The following PDE7A variants were observed in gnomAD, a reference collection of about 807,000 sequenced individuals.
The protein encoded by PDE7A is phosphodiesterase 7A.
A neutral mutation model predicts 64.3 loss-of-function variants in PDE7A; 39 were observed. The ratio of observed to expected loss-of-function variants is 0.61; its 90% CI spans 0.47 to 0.79. The LOEUF is 0.79. PDE7A is among the 30% of genes least tolerant of loss of function. PDE7A has a pLI of 0.00. For synonymous variants in PDE7A, 203 were observed against 206.8 expected (o/e 0.98, Z 0.16); for missense variants, 470 against 582.8 (o/e 0.81, Z 1.99).
intron 1 of PDE7A, among the ~76,000 whole-genome samples, chr8:65,822,052 AG>A (rs1488187433): frequency 6.6e-6 from 1 of 152,146 alleles, no homozygotes; most frequent in East Asian, 1.9e-4. Flanking sequence ...TGAAACAAAG[AG>A]GGTATGTTGA....
intron 3 of PDE7A, among the ~76,000 whole-genome samples, chr8:65,769,753 G>A (rs547795890): frequency 1.1e-4 from 16 of 152,158 alleles, no homozygotes; most frequent in African/African-American, 3.6e-4. Context: ...AATATTAGCC[G>A]GGCATGGTAG....
At chr8:65,799,796 G>A (rs995864537) in intron 1 of PDE7A, among the ~76,000 whole-genome samples, 2 of 152,184 alleles carry the variant, frequency 1.3e-5, no homozygotes, top group African/African-American at 2.4e-5. Context: ...AAGGAGAGAA[G>A]TGAAGACAGC....
chr8:65,761,437 A>G (rs1175421866), intron 3 of PDE7A, among the ~76,000 whole-genome samples: 1 of 152,206 alleles, frequency 6.6e-6, no homozygotes, highest in African/African-American at 2.4e-5. Flanking sequence ...TGCACAACAG[A>G]TTAAACTTGC....
At chr8:65,840,177 A>C (rs1811045840) in intron 1 of PDE7A, among the ~76,000 whole-genome samples, 1 of 152,204 alleles carries the variant, frequency 6.6e-6, no homozygotes, top group Non-Finnish European at 1.5e-5. Context: ...ATTATTCTAA[A>C]TGACACATTA....
intron 1 of PDE7A, among the ~76,000 whole-genome samples, chr8:65,792,361 G>C (rs1230129275): frequency 6.6e-6 from 1 of 152,224 alleles, no homozygotes; most frequent in Non-Finnish European, 1.5e-5. Context: ...TTTTATGAGT[G>C]TGATCAATAG....
At chr8:65,832,217 G>A (rs1810844230) in intron 1 of PDE7A, among the ~76,000 whole-genome samples, 1 of 152,006 alleles carries the variant, frequency 6.6e-6, no homozygotes, top group Non-Finnish European at 1.5e-5. Context: ...TGAGCCATTT[G>A]TAAACTATAT....
In PDE7A at chr8:65,724,875, T is replaced by C; in HGVS notation, c.967A>G (p.Ile323Val). The C allele has an allele frequency of 6.2e-7, 1 of 1,611,170 alleles. No homozygotes were observed. The highest frequency in any genetic ancestry group is 8.5e-7 in the Non-Finnish European group (1 of 1,177,734). Residue 323 changes from isoleucine (I) to valine (V), a missense_variant, in exon 10 of 13, where the codon ATC (isoleucine) becomes GTC (valine). Ile to Val is a conservative substitution (Grantham distance 29, BLOSUM62 3). Transcript: ENST00000401827. ...GACAGATACTCATTCTGGCGACTGA[T>C]GTCTGTGGCTAGTATCAGAGCACCT... is the stretch of plus-strand genomic sequence containing the variant. ...QIGALILATD[I>V]SRQNEYLSLF... is the part of the protein sequence containing the mutation.
At chr8:65,827,357 G>C (rs1419405605) in intron 1 of PDE7A, among the ~76,000 whole-genome samples, 1 of 152,114 alleles carries the variant, frequency 6.6e-6, no homozygotes, top group Non-Finnish European at 1.5e-5. Context: ...ATCTTAAGCC[G>C]TAATTTTTCT....
Position 65,719,514 on chromosome 8 carries a change from A to G in PDE7A, c.1244-19T>C. 6.6e-7 allele frequency: 1 copy of G among 1,505,920 alleles called. No homozygotes were observed. 93.3% of individuals were successfully genotyped at this position (1,505,920 alleles called of 1,614,324 possible). On this transcript the variant is annotated intron_variant, in intron 12 of 12. Transcript: ENST00000401827. ...ATAAAACCTTGAGAAAATAGGAGAAAAAGTTATTAACATATATGCTGAAAC... is the reference window on the plus strand; with the variant it reads ...ATAAAACCTTGAGAAAATAGGAGAAGAAGTTATTAACATATATGCTGAAAC...
intron 1 of PDE7A, among the ~76,000 whole-genome samples, chr8:65,821,238 T>C (rs1056503572): frequency 5.3e-5 from 8 of 152,050 alleles, no homozygotes; most frequent in African/African-American, 1.7e-4. Flanking sequence ...AATGCCTCAA[T>C]GCAAGGAGAT....
chr8:65,742,095 A>T (rs1416145181), intron 5 of PDE7A, among the ~76,000 whole-genome samples: 2 of 152,272 alleles, frequency 1.3e-5, no homozygotes, highest in Non-Finnish European at 2.9e-5. Context: ...CAGTTGTGTT[A>T]AACAAAAACC....
At position 65,719,769 on chromosome 8, in the gene PDE7A, T is replaced by A; in HGVS notation, c.1244-274A>T. On this transcript the variant is annotated intron_variant, in intron 12 of 12. Coordinates refer to ENST00000401827, the MANE Select transcript of PDE7A (RefSeq NM_001242318.3). ...TGGTTATCCTTCTCAGTGGCACAACTACATTCTTCTACTTAAGCAAAAATA... is the reference window on the plus strand; with the variant it reads ...TGGTTATCCTTCTCAGTGGCACAACAACATTCTTCTACTTAAGCAAAAATA... The A allele has an allele frequency of 1.9e-5, 8 of 417,726 alleles. No individual in the cohort carries two copies. In the South Asian group the frequency reaches 2.3e-4, roughly 12 times the overall value. The allele number at this position is 417,726 out of a possible 1,614,324, so 25.9% of individuals were successfully genotyped here.
chr8:65,784,504 TAAAAG>T (rs750723974), intron 1 of PDE7A, among the ~76,000 whole-genome samples: 12 of 152,098 alleles, frequency 7.9e-5, no homozygotes, highest in Non-Finnish European at 1.6e-4. Context: ...ATGAAAATAT[TAAAAG>T]AAAACAGGAC....
intron 1 of PDE7A, among the ~76,000 whole-genome samples, chr8:65,796,171 G>T (rs1210327882): frequency 2.0e-5 from 3 of 151,276 alleles, no homozygotes; most frequent in Non-Finnish European, 3.0e-5. Flanking sequence ...TGAGCCTGCG[G>T]GACAACATCA....
chr8:65,772,073 C>T (rs552012849), intron 3 of PDE7A, among the ~76,000 whole-genome samples: 5 of 151,702 alleles, frequency 3.3e-5, no homozygotes, highest in African/African-American at 9.7e-5. Context: ...ATACAAAAAC[C>T]CAAAGGATTT....
In PDE7A at chr8:65,719,697, A is replaced by G. The variant is rs1172774832; in HGVS notation, c.1244-202T>C. 7 of 563,628 alleles carry G rather than the reference A, an allele frequency of 1.2e-5. No individual in the cohort carries two copies. The East Asian group carries it at 2.0e-4, about 16-fold the overall frequency. The allele number at this position is 563,628 out of a possible 1,614,324, so 34.9% of individuals were successfully genotyped here. A position where few individuals can be genotyped will look rare whatever the true frequency, so the allele number is the denominator to read the frequency against. ...AAGAACTGATTTCTTAAGTAACTCA[A>G]TGGAAATTTGAGTAAAAGTGAACTG... On this transcript the variant is annotated intron_variant, in intron 12 of 12. Transcript: ENST00000401827.
intron 1 of PDE7A, among the ~76,000 whole-genome samples, chr8:65,811,589 C>T (rs1186410948): frequency 6.6e-6 from 1 of 152,222 alleles, no homozygotes; most frequent in East Asian, 1.9e-4. Context: ...AGCACAGCAG[C>T]TATTCTCCTT....
intron 1 of PDE7A, among the ~76,000 whole-genome samples, chr8:65,828,860 C>A (rs1810742074): frequency 6.6e-6 from 1 of 151,870 alleles, no homozygotes; most frequent in Non-Finnish European, 1.5e-5. Context: ...ACATGTTTTG[C>A]TACATTTATA....
At position 65,723,543 on chromosome 8, in the gene PDE7A, A is replaced by G; in HGVS notation, c.1241T>C (p.Ile414Thr). Reference sequence around the variant, plus strand: ...TATATCTAAATATGTATAGTTACCAATCTGGATGTTGGCAATAGATTCAGT... The same window carrying G: ...TATATCTAAATATGTATAGTTACCAGTCTGGATGTTGGCAATAGATTCAGT... ...RHTESIANIQ[I>T]GFMTYLVEPL... The change falls in exon 12 of 13, where the codon ATT becomes ACT. Residue 414 changes from isoleucine (I) to threonine (T), a missense_variant and splice_region_variant. Ile to Thr is a moderately conservative substitution (Grantham distance 89). Transcript: ENST00000401827. The G allele has an allele frequency of 6.4e-7, 1 of 1,562,792 alleles. No individual in the cohort carries two copies. Among genetic ancestry groups the G allele is most frequent in the Non-Finnish European group, 8.6e-7 (1 of 1,156,586 alleles).
Sources: gnomAD v4.1 joint callset for allele counts (sites outside exome capture counted in the v4.1 genomes callset) on GRCh38, gnomAD v4.1.1 for gene constraint, MANE v1.5 for transcripts, NCBI Gene and HGNC (gene_info 2026-07-23, HGNC 2026-07-21) for gene names.